PELP1: variants seen among roughly 807,000 people sequenced by gnomAD.
PELP1 encodes proline, glutamate and leucine rich protein 1, also known as proline-, glutamic acid- and leucine-rich protein 1.
Under a neutral mutation model 95.5 loss-of-function variants are expected in PELP1, and 32 were observed. The observed-to-expected ratio is 0.34, with a 90% CI of 0.25 to 0.45. PELP1 has a LOEUF of 0.45. Among genes scored for constraint, PELP1 ranks in the 20% least tolerant of loss-of-function variants. PELP1 has a pLI of 1.00. For missense variants in PELP1, 1,358 were observed against 1,444.8 expected (o/e 0.94, Z 0.97); for synonymous variants, 668 against 600.1 (o/e 1.11, Z -1.65).
At chr17:4,687,186 T>C (rs11656571) in intron 3 of PELP1, among the ~76,000 whole-genome samples, 318 of 152,338 alleles carry the variant, frequency 2.1e-3, no homozygotes, top group Non-Finnish European at 2.9e-3. Context: ...CCAAGAACTA[T>C]AGTCTTTACC....
intron 2 of PELP1, 168 bp from the exon 3 acceptor site, chr17:4,691,161 G>C: frequency 1.5e-6 from 1 of 653,320 alleles, no homozygotes; most frequent in South Asian, 1.9e-5. Flanking sequence ...AGAAAGAAGG[G>C]AGCAGAGGTA....
At position 4,672,449 on chromosome 17, in the gene PELP1, G is replaced by A. The variant is rs1050758987; in HGVS notation, c.2542C>T (p.Pro848Ser). Residue 848 changes from proline (P) to serine (S), a missense_variant, in exon 16 of 17, where the codon CCT becomes TCT. Transcript: ENST00000572293. Reference protein sequence around the residue: ...PLPPPPPPPPPVPGPVTLPPP... With the variant: ...PLPPPPPPPPSVPGPVTLPPP... The stretch of plus-strand genomic sequence containing the variant: ...GGGAGCGTCACAGGACCAGGAACAG[G>A]CGGCGGCGGAGGTGGGGGTGGCGGG... The A allele has an allele frequency of 3.2e-6, 5 of 1,567,108 alleles. No individual in the cohort carries two copies. Among genetic ancestry groups the A allele is most frequent in the East Asian group, 2.3e-5 (1 of 43,472 alleles).
In PELP1 at chr17:4,671,499, G is replaced by A. The variant is rs1271412583; in HGVS notation, c.3333C>T (p.Asp1111=). 1 of 1,613,624 alleles carries A rather than the reference G, an allele frequency of 6.2e-7. No homozygotes were observed. The highest frequency in any genetic ancestry group is 1.1e-5 in the South Asian group (1 of 91,056). Residue 1111 remains aspartate (D), a synonymous_variant, in exon 17 of 17, where the codon GAC becomes GAT. Transcript: ENST00000572293. ...CATCATCAGGGGGACAATCGATGAA[G>A]TCGGCCAGCATGGCAGCTGTGTCAT... The part of the protein sequence containing the change: ...EQDDTAAMLA[D]FIDCPPDDEK...
At position 4,673,891 on chromosome 17, in the gene PELP1, A is replaced by G; in HGVS notation, c.1583-217T>C. 2 of 547,756 alleles carry G rather than the reference A, an allele frequency of 3.7e-6. No individual in the cohort carries two copies. Among genetic ancestry groups the G allele is most frequent in the East Asian group, 2.9e-5 (1 of 34,112 alleles). The allele number at this position is 547,756 out of a possible 1,614,324, so 33.9% of individuals were successfully genotyped here. A position where few individuals can be genotyped will look rare whatever the true frequency, so the allele number is the denominator to read the frequency against. On this transcript the variant is annotated intron_variant, in intron 13 of 16. Coordinates refer to ENST00000572293, the MANE Select transcript of PELP1 (RefSeq NM_014389.3). The surrounding 1 kb of genome is among the most constrained non-coding windows in gnomAD (Gnocchi z 5.7). Reference sequence around the variant, plus strand: ...GAGACAATGTAAGTAAAAAATTATAAATTTTATAATTTTGCATTTATATAT... The same window carrying G: ...GAGACAATGTAAGTAAAAAATTATAGATTTTATAATTTTGCATTTATATAT...
intron 3 of PELP1, among the ~76,000 whole-genome samples, chr17:4,687,428 C>T (rs4559961): frequency 0.98 from 146,527 of 149,824 alleles, 71,733 homozygotes; most frequent in Middle Eastern, 1. Context: ...CCTGTAGTCC[C>T]AGCTACTTGG....
intron 1 of PELP1, among the ~76,000 whole-genome samples, chr17:4,702,261 A>C (rs1275189273): frequency 6.6e-6 from 1 of 152,184 alleles, no homozygotes; most frequent in Admixed American, 6.5e-5. Flanking sequence ...TCTACCAAAA[A>C]TACAAAAATT....
At chr17:4,703,686 T>C (rs1295731163) in intron 1 of PELP1, among the ~76,000 whole-genome samples, 177 bp downstream of exon 1, 3 of 152,152 alleles carry the variant, frequency 2.0e-5, no homozygotes, top group Non-Finnish European at 2.9e-5. Context: ...GAGAAACTCA[T>C]GGCCGATAAA....
chr17:4,682,730 T>C, intron 4 of PELP1, 73 bp downstream of exon 4: 1 of 1,485,516 alleles, frequency 6.7e-7, no homozygotes, highest in South Asian at 1.3e-5. Context: ...GTCACTTCCA[T>C]CAAACAATTA....
At chr17:4,679,295 C>T (rs1912610210) in intron 5 of PELP1, among the ~76,000 whole-genome samples, 1 of 152,126 alleles carries the variant, frequency 6.6e-6, no homozygotes, top group Admixed American at 6.6e-5. Context: ...AAAGGTAAGA[C>T]ACTCCCTGGA....
At chr17:4,694,912 C>T (rs1302220993) in intron 1 of PELP1, among the ~76,000 whole-genome samples, 1 of 151,200 alleles carries the variant, frequency 6.6e-6, no homozygotes, top group African/African-American at 2.4e-5. Flanking sequence ...ATCGCTTGAA[C>T]CCGGGAGAAT....
chr17:4,686,413 A>G (rs1309795476), intron 3 of PELP1, among the ~76,000 whole-genome samples: 1 of 152,186 alleles, frequency 6.6e-6, no homozygotes, highest in African/African-American at 2.4e-5. Flanking sequence ...CCAAGCTACT[A>G]TGAATGTTCT....
At position 4,691,412 on chromosome 17, in the gene PELP1, G is replaced by A; in HGVS notation, c.280C>T (p.Leu94Phe). The A allele has an allele frequency of 1.2e-6, 2 of 1,613,744 alleles. No homozygotes were observed. The highest frequency in any genetic ancestry group is 1.3e-5 in the African/African-American group (1 of 75,040). ...NLSALGALVSLSNARLSSIKT... is the reference protein window; with the variant it reads ...NLSALGALVSFSNARLSSIKT... Reference sequence around the variant, plus strand: ...ATGGAACTGAGACGTGCATTACTGAGACTCACCAATGCCCCAAGAGCTGAA... The same window carrying A: ...ATGGAACTGAGACGTGCATTACTGAAACTCACCAATGCCCCAAGAGCTGAA... The change falls in exon 2 of 17, where the codon CTC becomes TTC. Residue 94 changes from leucine (L) to phenylalanine (F), a missense_variant. Physicochemically the swap from Leu to Phe is conservative, Grantham distance 22. Around this residue, in one of 7 missense-constraint regions of PELP1, gnomAD observed 169 missense variants for 134.9 expected, o/e 1.25. Transcript: ENST00000572293.
At chr17:4,686,244 C>G (rs1912906366) in intron 3 of PELP1, among the ~76,000 whole-genome samples, 1 of 152,140 alleles carries the variant, frequency 6.6e-6, no homozygotes, top group African/African-American at 2.4e-5. Flanking sequence ...TATTTTCTTC[C>G]CACACCTCCA....
chr17:4,672,245 CCT>C lies in PELP1; in HGVS notation c.2744_2745del (p.Glu915GlyfsTer2). ...EEEEDFEEEE[E>X]DEEEYFEEEE... ...TCCTCTTCAAAATATTCCTCTTCATCCTCTTCCTCTTCCTCAAAGTCTTCCTC... is the reference window on the plus strand; with the variant it reads ...TCCTCTTCAAAATATTCCTCTTCATCCTTCCTCTTCCTCAAAGTCTTCCTC... On this transcript the variant is annotated frameshift_variant, in exon 16 of 17. Coordinates refer to ENST00000572293, the MANE Select transcript of PELP1 (RefSeq NM_014389.3). LOFTEE classifies it high-confidence loss of function. The C allele has an allele frequency of 6.4e-7, 1 of 1,552,082 alleles. No individual in the cohort carries two copies. Among genetic ancestry groups the C allele is most frequent in the African/African-American group, 1.4e-5 (1 of 73,156 alleles).
Position 4,672,783 on chromosome 17 carries a change from C to G in PELP1, c.2208G>C (p.Glu736Asp). Residue 736 changes from glutamate (E) to aspartate (D), a missense_variant, in exon 16 of 17, where the codon GAG becomes GAC. By Grantham distance (45) the Glu-to-Asp change is conservative. Coordinates refer to ENST00000572293, the MANE Select transcript of PELP1 (RefSeq NM_014389.3). The part of the protein sequence containing the change: ...GPENHRAGSN[E>D]DPILAPSGTP... ...TCCCACTAGGGGCAAGGATGGGGTCCTCATTTGAGCCTGCCCGGTGGTTCT... is the reference window on the plus strand; with the variant it reads ...TCCCACTAGGGGCAAGGATGGGGTCGTCATTTGAGCCTGCCCGGTGGTTCT... 1 of 1,613,772 alleles carries G rather than the reference C, an allele frequency of 6.2e-7. No individual in the cohort carries two copies. Among genetic ancestry groups the G allele is most frequent in the African/African-American group, 1.3e-5 (1 of 75,048 alleles).
Position 4,671,378 on chromosome 17 carries a change from C to G in PELP1, c.*61G>C, listed in dbSNP as rs1462500653. On this transcript the variant is annotated 3_prime_UTR_variant, in exon 17 of 17. Transcript: ENST00000572293. The stretch of plus-strand genomic sequence containing the variant: ...ACCCAGGTGTGGCAAAAGGCAGAAG[C>G]AGCAGTCGCTATCTAAGGACATAAC... The G allele has an allele frequency of 2.1e-6, 2 of 945,106 alleles. No homozygotes were observed. Among genetic ancestry groups the G allele is most frequent in the Admixed American group, 1.8e-5 (1 of 55,090 alleles). 58.5% of individuals were successfully genotyped at this position (945,106 alleles called of 1,614,324 possible). A position where few individuals can be genotyped will look rare whatever the true frequency, so the allele number is the denominator to read the frequency against.
In PELP1 at chr17:4,675,687, C is replaced by G. The variant is rs1258237639; in HGVS notation, c.1068+110G>C. Reference sequence around the variant, plus strand: ...TATTTGGACAAAAGTAGGAAGCTCTCTGGGACGACTCCAGGATGACACTGT... The same window carrying G: ...TATTTGGACAAAAGTAGGAAGCTCTGTGGGACGACTCCAGGATGACACTGT... On this transcript the variant is annotated intron_variant, in intron 9 of 16. Coordinates refer to ENST00000572293, the MANE Select transcript of PELP1 (RefSeq NM_014389.3). This position sits in a 1 kb window ranked among gnomAD's most constrained non-coding sequence, Gnocchi z 4.3. 8 of 802,256 alleles carry G rather than the reference C, an allele frequency of 1.0e-5. No individual in the cohort carries two copies. The highest frequency in any genetic ancestry group is 2.7e-5 in the East Asian group (1 of 37,598). The allele number at this position is 802,256 out of a possible 1,614,324, so 49.7% of individuals were successfully genotyped here. A position where few individuals can be genotyped will look rare whatever the true frequency, so the allele number is the denominator to read the frequency against.
At chr17:4,691,355 A>G (rs772857704) in intron 2 of PELP1, 23 bp downstream of exon 2, 78 of 1,565,660 alleles carry the variant, frequency 5.0e-5, no homozygotes, top group South Asian at 3.5e-4. Flanking sequence ...GCCCCTGGAG[A>G]AAAAAAAGGG....
chr17:4,697,677 A>G (rs765147035), intron 1 of PELP1, among the ~76,000 whole-genome samples: 2 of 152,218 alleles, frequency 1.3e-5, no homozygotes, highest in African/African-American at 2.4e-5. Flanking sequence ...CTTGATGGAC[A>G]CCAGTGATCT....
Sources: allele counts gnomAD v4.1 joint callset (sites outside exome capture counted in the v4.1 genomes callset), GRCh38; gene constraint gnomAD v4.1.1; regional missense constraint gnomAD v4.1.1; non-coding constraint Gnocchi (gnomAD v3.1); transcripts MANE v1.5; gene names NCBI Gene and HGNC (gene_info 2026-07-23, HGNC 2026-07-21).